ZMAT4: variants seen among roughly 807,000 people sequenced by gnomAD.
ZMAT4 encodes zinc finger matrin-type 4, also known as zinc finger matrin-type protein 4.
ZMAT4 carries 17 observed loss-of-function variants against 28.7 expected under a neutral mutation model. That is an observed-to-expected ratio of 0.59 (90% CI 0.41 to 0.89). The LOEUF is 0.89. Among genes scored for constraint, ZMAT4 ranks in the 40% least tolerant of loss-of-function variants. The probability of loss-of-function intolerance (pLI) is 0.00; values close to 1 mark genes in which losing one functional copy is unlikely to be tolerated. For synonymous variants in ZMAT4, 117 were observed against 109.2 expected, an observed-to-expected ratio of 1.07 and a Z score of -0.44; for missense variants, 240 against 283.8, an observed-to-expected ratio of 0.85 and a Z score of 1.11.
intron 2 of ZMAT4, among the ~76,000 whole-genome samples, chr8:40,780,893 C>G (rs907092108): frequency 6.6e-6 from 1 of 152,174 alleles, no homozygotes; most frequent in African/African-American, 2.4e-5. Context: ...AGTTTCCCAA[C>G]CTGATAGGGC....
chr8:40,878,702 C>A (rs1818121558), intron 1 of ZMAT4, among the ~76,000 whole-genome samples: 1 of 152,222 alleles, frequency 6.6e-6, no homozygotes, highest in South Asian at 2.1e-4. Context: ...ACAAACATTT[C>A]CTTCCCATGG....
At chr8:40,547,426 G>T (rs1803238934) in intron 6 of ZMAT4, among the ~76,000 whole-genome samples, 1 of 152,186 alleles carries the variant, frequency 6.6e-6, no homozygotes, top group African/African-American at 2.4e-5. Flanking sequence ...GTTTGGAAAT[G>T]AAGGAAGCCA....
chr8:40,703,693 T>C (rs1810240522), intron 3 of ZMAT4, among the ~76,000 whole-genome samples: 1 of 152,188 alleles, frequency 6.6e-6, no homozygotes, highest in African/African-American at 2.4e-5. Context: ...TGAATATACC[T>C]AAAACCCTTG....
At chr8:40,751,123 T>G (rs1236178710) in intron 3 of ZMAT4, among the ~76,000 whole-genome samples, 1 of 152,156 alleles carries the variant, frequency 6.6e-6, no homozygotes, top group Non-Finnish European at 1.5e-5. Flanking sequence ...ACTCCTTCTC[T>G]CTTATGGCTG....
chr8:40,697,479 C>G (rs1156854273), intron 3 of ZMAT4, 78 bp from the exon 4 acceptor site: 2 of 1,306,432 alleles, frequency 1.5e-6, no homozygotes, highest in East Asian at 5.5e-5. Flanking sequence ...CCCAGACGAA[C>G]TAGTGTATTG....
At chr8:40,580,262 T>G (rs1466254692) in intron 6 of ZMAT4, among the ~76,000 whole-genome samples, 1 of 152,060 alleles carries the variant, frequency 6.6e-6, no homozygotes, top group African/African-American at 2.4e-5. Context: ...TCCGCCCACC[T>G]CAGCCTCCCA....
At chr8:40,744,285 G>A (rs188096201) in intron 3 of ZMAT4, among the ~76,000 whole-genome samples, 3 of 152,236 alleles carry the variant, frequency 2.0e-5, no homozygotes, top group Non-Finnish European at 1.5e-5. Flanking sequence ...TCCCTAGCCA[G>A]CAGAAGTCAA....
At chr8:40,799,645 A>G (rs1814752273) in intron 2 of ZMAT4, among the ~76,000 whole-genome samples, 1 of 152,230 alleles carries the variant, frequency 6.6e-6, no homozygotes, top group African/African-American at 2.4e-5. Flanking sequence ...TAAAGTCAGG[A>G]AGAGCATGGT....
rs188227499 is a variant in ZMAT4, at chr8:40,644,832, G to A, written c.577+29872C>T. On this transcript the variant is annotated intron_variant, in intron 5 of 6. Transcript: ENST00000297737. ...ACTTGATATGATGTGATGAAAATGGGACTTTCCCTCTGTGGTCTTTCTCTC... is the reference window on the plus strand; with the variant it reads ...ACTTGATATGATGTGATGAAAATGGAACTTTCCCTCTGTGGTCTTTCTCTC... Among the ~76,000 whole-genome samples the A allele has an allele frequency of 1.8e-3, 269 of 152,256 alleles. 3 individuals are homozygous for A. The highest frequency in any genetic ancestry group is 6.1e-3 in the African/African-American group (252 of 41,560).
chr8:40,586,558 G>T (rs1804677886), intron 5 of ZMAT4, among the ~76,000 whole-genome samples: 1 of 152,180 alleles, frequency 6.6e-6, no homozygotes, highest in African/African-American at 2.4e-5. Context: ...ATCTGGAAAA[G>T]CTCCTTGAAG....
At chr8:40,651,286 GACAA>G (rs1807634877) in intron 5 of ZMAT4, among the ~76,000 whole-genome samples, 1 of 152,054 alleles carries the variant, frequency 6.6e-6, no homozygotes, top group Non-Finnish European at 1.5e-5. Flanking sequence ...ACCAACAACA[GACAA>G]ACAGAGAGCC....
chr8:40,603,387 G>A (rs1805464214), intron 5 of ZMAT4, among the ~76,000 whole-genome samples: 1 of 152,112 alleles, frequency 6.6e-6, no homozygotes, highest in South Asian at 2.1e-4. Context: ...TTTTTGCTTA[G>A]TCTTGCTTTG....
At chr8:40,563,962 A>C (rs750394407) in intron 6 of ZMAT4, among the ~76,000 whole-genome samples, 3 of 152,138 alleles carry the variant, frequency 2.0e-5, no homozygotes, top group Non-Finnish European at 4.4e-5. Flanking sequence ...GTTTCCACCC[A>C]GTGGCTGAGG....
chr8:40,775,232 C>T lies in ZMAT4; in HGVS notation c.103-7502G>A, dbSNP rs372225613. On this transcript the variant is annotated intron_variant, in intron 2 of 6. Coordinates refer to ENST00000297737, the MANE Select transcript of ZMAT4 (RefSeq NM_024645.3). ...AATTAAGACCATTGTGTAAAAGTGT[C>T]GTGTACATTTGAAACATGTTGTTAC... Among the ~76,000 whole-genome samples the T allele has an allele frequency of 1.4e-3, 216 of 152,292 alleles. 2 individuals are homozygous for T. Among genetic ancestry groups the T allele is most frequent in the African/African-American group, 5.1e-3 (210 of 41,568 alleles).
intron 6 of ZMAT4, among the ~76,000 whole-genome samples, chr8:40,573,741 G>A (rs1804173742): frequency 6.6e-6 from 1 of 152,146 alleles, no homozygotes; most frequent in African/African-American, 2.4e-5. Flanking sequence ...AGGATGAGCT[G>A]GAAAGAGTGC....
intron 3 of ZMAT4, among the ~76,000 whole-genome samples, chr8:40,737,416 C>T (rs1811816836): frequency 6.6e-6 from 1 of 151,562 alleles, no homozygotes; most frequent in African/African-American, 2.4e-5. Flanking sequence ...GGCAAGCCAG[C>T]CACAGAGAAT....
chr8:40,828,158 G>A (rs761562974), intron 1 of ZMAT4, among the ~76,000 whole-genome samples: 2 of 152,200 alleles, frequency 1.3e-5, no homozygotes, highest in Admixed American at 6.5e-5. Flanking sequence ...ATTTGTAATG[G>A]TCTCCATTCA....
intron 5 of ZMAT4, among the ~76,000 whole-genome samples, chr8:40,589,935 C>CCCTT (rs1426361686): frequency 1.8e-5 from 2 of 112,852 alleles, no homozygotes; most frequent in African/African-American, 6.7e-5. Context: ...CTCCCTCACT[C>CCCTT]CCTTCCTTCC....
intron 3 of ZMAT4, among the ~76,000 whole-genome samples, chr8:40,739,906 T>C (rs1312182517): frequency 6.6e-6 from 1 of 152,234 alleles, no homozygotes; most frequent in East Asian, 1.9e-4. Context: ...TTTGGTTGTC[T>C]GTTCCTGTGT....
Sources: allele counts gnomAD v4.1 joint callset (sites outside exome capture counted in the v4.1 genomes callset), GRCh38; gene constraint gnomAD v4.1.1; transcripts MANE v1.5; gene names NCBI Gene and HGNC (gene_info 2026-07-23, HGNC 2026-07-21).